Variants in GALNT15 observed in about 807,000 individuals in gnomAD.
The protein encoded by GALNT15 is UDP-GalNAc transferase T15.
GALNT15 carries 67 observed loss-of-function variants against 66.8 expected under a neutral mutation model. That is an observed-to-expected ratio of 1.00 (90% CI 0.82 to 1.23). GALNT15 has a LOEUF of 1.23. Among genes scored for constraint, GALNT15 ranks in the 50% most tolerant of loss-of-function variants. The pLI is 0.00. For synonymous variants in GALNT15, 313 were observed against 311.5 expected (o/e 1.00, Z -0.05); for missense variants, 827 against 804.3 (o/e 1.03, Z -0.34).
rs534549726 is a variant in GALNT15 at position 16,194,514 on chromosome 3, T to A, written c.540-1246T>A. On this transcript the variant is annotated intron_variant, in intron 1 of 9. Transcript: ENST00000339732. ...CTGTTCACTCTGATATTTCTTTTGCTGTGCAGAAGTGCACATGTATGTTTG... is the reference window on the plus strand; with the variant it reads ...CTGTTCACTCTGATATTTCTTTTGCAGTGCAGAAGTGCACATGTATGTTTG... 5.3e-5 allele frequency among the ~76,000 whole-genome samples: 8 copies of A among 152,364 alleles called. No individual in the cohort carries two copies. The East Asian group carries it at 1.2e-3, about 22-fold the overall frequency.
chr3:16,212,663 A>G lies in GALNT15; in HGVS notation c.1292A>G (p.Glu431Gly). The change falls in exon 6 of 10, where the codon GAG becomes GGG. Residue 431 changes from glutamate (E) to glycine (G), a missense_variant. Transcript: ENST00000339732. ...NQDSHSPLDQ[E>G]ATLRNRVRIA... ...GATTCCCATTCCCCCCTCGACCAGGAGGCCACCCTGAGGAACAGGGTTCGC... is the reference window on the plus strand; with the variant it reads ...GATTCCCATTCCCCCCTCGACCAGGGGGCCACCCTGAGGAACAGGGTTCGC... 2 of 1,614,058 alleles carry G rather than the reference A, an allele frequency of 1.2e-6. No individual in the cohort carries two copies. The highest frequency in any genetic ancestry group is 1.7e-6 in the Non-Finnish European group (2 of 1,180,010).
rs963302076 is a variant in GALNT15, at chr3:16,175,742, G to A, written c.539+52G>A. On this transcript the variant is annotated intron_variant, in intron 1 of 9. Coordinates refer to ENST00000339732, the MANE Select transcript of GALNT15 (RefSeq NM_054110.5). The surrounding 1 kb of genome is among the most constrained non-coding windows in gnomAD (Gnocchi z 5.6). ...CCTGATCCCAGGGCATGATCGGGTG[G>A]TAGCAAACTCGGGAATGCAAACTTT... The A allele has an allele frequency of 2.0e-5, 29 of 1,484,324 alleles. No homozygotes were observed. The highest frequency in any genetic ancestry group is 2.6e-5 in the Non-Finnish European group (29 of 1,111,164). 91.9% of individuals were successfully genotyped at this position (1,484,324 alleles called of 1,614,324 possible). A position where few individuals can be genotyped will look rare whatever the true frequency, so the allele number is the denominator to read the frequency against.
chr3:16,191,581 G>A lies in GALNT15; in HGVS notation c.540-4179G>A, dbSNP rs1310523193. ...GAGTTACCAGGTGAGACTGCCACCC[G>A]GCAGAGAATGTTCTGTGAAATCAAA... On this transcript the variant is annotated intron_variant, in intron 1 of 9. Coordinates refer to ENST00000339732, the MANE Select transcript of GALNT15 (RefSeq NM_054110.5). The surrounding 1 kb of genome is among the most constrained non-coding windows in gnomAD (Gnocchi z 5.2). Among the ~76,000 whole-genome samples, 1 of 152,174 alleles carries A rather than the reference G, an allele frequency of 6.6e-6. No individual in the cohort carries two copies. Among genetic ancestry groups the A allele is most frequent in the African/African-American group, 2.4e-5 (1 of 41,442 alleles).
In GALNT15 at chr3:16,181,872, A is replaced by G. The variant is rs2124839558; in HGVS notation, c.539+6182A>G. ...GGGATGCCACAAACACCAACCTTCC[A>G]GCCCTCGAGTCCACAGTGGCCGCAG... On this transcript the variant is annotated intron_variant, in intron 1 of 9. Coordinates refer to ENST00000339732, the MANE Select transcript of GALNT15 (RefSeq NM_054110.5). The surrounding 1 kb of genome is among the most constrained non-coding windows in gnomAD (Gnocchi z 5.9). 6.6e-6 allele frequency among the ~76,000 whole-genome samples: 1 copy of G among 152,208 alleles called. No individual in the cohort carries two copies. Among genetic ancestry groups the G allele is most frequent in the East Asian group, 1.9e-4 (1 of 5,164 alleles).
At chr3:16,208,472 G>A (rs1442119964) in intron 3 of GALNT15, 31 bp from the exon 4 acceptor site, 7 of 1,609,228 alleles carry the variant, frequency 4.3e-6, no homozygotes, top group South Asian at 2.2e-5. Flanking sequence ...AATGCTTTAC[G>A]TCCCTTGTTT....
chr3:16,227,326 T>C lies in GALNT15; in HGVS notation c.1774-28T>C. On this transcript the variant is annotated intron_variant, in intron 9 of 9. Transcript: ENST00000339732. The surrounding 1 kb of genome is among the most constrained non-coding windows in gnomAD (Gnocchi z 4.5). The stretch of plus-strand genomic sequence containing the variant: ...CTGACTGATTGTGGGGGACTGGTTT[T>C]CTTTTCTTTTTTCCTTTCTCTTTTT... 6.3e-7 allele frequency: 1 copy of C among 1,597,816 alleles called. No homozygotes were observed. Among genetic ancestry groups the C allele is most frequent in the Non-Finnish European group, 8.5e-7 (1 of 1,174,738 alleles).
Position 16,222,776 on chromosome 3 carries a change from G to A in GALNT15, c.1773+18G>A, listed in dbSNP as rs2063959474. ...TCCAGGAGGTGAGTAATCTGTTCAG[G>A]AAGAGCCTGGTAGTGCTGCTGGTCA... On this transcript the variant is annotated intron_variant, in intron 9 of 9. Transcript: ENST00000339732. The A allele has an allele frequency of 6.2e-7, 1 of 1,613,148 alleles. No homozygotes were observed. The highest frequency in any genetic ancestry group is 8.5e-7 in the Non-Finnish European group (1 of 1,179,674).
In GALNT15 at chr3:16,228,953, T is replaced by C; in HGVS notation, c.*1453T>C. The stretch of plus-strand genomic sequence containing the variant: ...CTAGTAAGAGCTAAATGACTTTCCT[T>C]GCTATGACTTGGCTTACCTGAATTA... On this transcript the variant is annotated 3_prime_UTR_variant, in exon 10 of 10. Coordinates refer to ENST00000339732, the MANE Select transcript of GALNT15 (RefSeq NM_054110.5). 1.0e-6 allele frequency: 1 copy of C among 985,400 alleles called. No individual in the cohort carries two copies. The highest frequency in any genetic ancestry group is 1.7e-5 in the African/African-American group (1 of 57,336). 61.0% of individuals were successfully genotyped at this position (985,400 alleles called of 1,614,324 possible).
chr3:16,210,816 C>T (rs1285877618), intron 4 of GALNT15, among the ~76,000 whole-genome samples: 1 of 152,212 alleles, frequency 6.6e-6, no homozygotes, highest in Non-Finnish European at 1.5e-5. Flanking sequence ...TCCCAAACAT[C>T]TTTCCAGAGG....
chr3:16,233,034 ATC>A (rs1039873046), downstream of GALNT15, among the ~76,000 whole-genome samples: 19 of 144,850 alleles, frequency 1.3e-4, no homozygotes, highest in African/African-American at 4.1e-4. Context: ...CTTCTAACGG[ATC>A]TCTTTTTGAA....
intron 1 of GALNT15, among the ~76,000 whole-genome samples, chr3:16,192,268 A>G (rs2063587318): frequency 6.6e-6 from 1 of 152,172 alleles, no homozygotes; most frequent in South Asian, 2.1e-4. Context: ...ATAGTCTATG[A>G]ATTGAGACAG....
At position 16,211,223 on chromosome 3, in the gene GALNT15, C is replaced by A. The variant is rs1244494333; in HGVS notation, c.1179C>A (p.Asn393Lys). 3.1e-6 allele frequency: 5 copies of A among 1,611,834 alleles called. No individual in the cohort carries two copies. The highest frequency in any genetic ancestry group is 4.2e-6 in the Non-Finnish European group (5 of 1,177,930). The change falls in exon 5 of 10, where the codon AAC (asparagine) becomes AAA (lysine). Residue 393 changes from asparagine (N) to lysine (K), a missense_variant. Asn to Lys is a moderately conservative substitution (Grantham distance 94). Transcript: ENST00000339732. This position sits in a 1 kb window ranked among gnomAD's most constrained non-coding sequence, Gnocchi z 4.3. ...DSLMSLRGGE[N>K]LELSFKAWLC... ...TTATGTCGCTGCGAGGTGGTGAAAA[C>A]CTCGAACTGTCTTTCAAGGTATGTC...
chr3:16,198,798 A>C (rs1190593167), intron 2 of GALNT15, among the ~76,000 whole-genome samples: 1 of 141,942 alleles, frequency 7.0e-6, no homozygotes, highest in Non-Finnish European at 1.6e-5. Flanking sequence ...CTTAGAAGAC[A>C]GATTCCCAGG....
At chr3:16,236,130 A>AAAAAAAAAAAAAAAAAC, downstream of GALNT15, among the ~76,000 whole-genome samples, 1 of 147,518 alleles carries the variant, frequency 6.8e-6, no homozygotes, top group African/African-American at 2.5e-5. Context: ...AAAAAAAAAA[A>AAAAAAAAAAAAAAAAAC]AGGACTGGGC....
the GALNT15 span, among the ~76,000 whole-genome samples, chr3:16,247,435 C>T: frequency 6.6e-6 from 1 of 152,226 alleles, no homozygotes; most frequent in East Asian, 1.9e-4. Context: ...GATCATGATG[C>T]CTTTGCCGTC....
At chr3:16,240,992 C>A in the GALNT15 span, among the ~76,000 whole-genome samples, 1 of 152,130 alleles carries the variant, frequency 6.6e-6, no homozygotes, top group East Asian at 1.9e-4. Flanking sequence ...TCCCTCTGCA[C>A]AGAATGCCCT....
chr3:16,226,071 C>G (rs1575001210), intron 9 of GALNT15, among the ~76,000 whole-genome samples: 1 of 150,416 alleles, frequency 6.6e-6, no homozygotes, highest in East Asian at 1.9e-4. Flanking sequence ...AAAAATTACA[C>G]AAAGTGAAAG....
At position 16,227,496 on chromosome 3, in the gene GALNT15, G is replaced by C. The variant is rs140214513; in HGVS notation, c.1916G>C (p.Arg639Pro). 1 of 1,614,136 alleles carries C rather than the reference G, an allele frequency of 6.2e-7. No homozygotes were observed. The highest frequency in any genetic ancestry group is 1.1e-5 in the South Asian group (1 of 91,080). Residue 639 changes from arginine to proline, a missense_variant, in exon 10 of 10, where the codon CGA becomes CCA. Physicochemically the swap from Arg to Pro is moderately radical, Grantham distance 103 (BLOSUM62 -2). Coordinates refer to ENST00000339732, the MANE Select transcript of GALNT15 (RefSeq NM_054110.5). The surrounding 1 kb of genome is among the most constrained non-coding windows in gnomAD (Gnocchi z 4.5). ...GACCAGATCAATGCTGTGGATGAAC[G>C]ATGAATGTCAATGTCAGAAGGAAAA... is the stretch of plus-strand genomic sequence containing the variant. ...RFDQINAVDE[R>P]
Position 16,206,659 on chromosome 3 carries a change from C to T in GALNT15, c.912-1844C>T, listed in dbSNP as rs573576207. Among the ~76,000 whole-genome samples, 195 of 114,760 alleles carry T rather than the reference C, an allele frequency of 1.7e-3. 2 individuals carry two copies. The highest frequency in any genetic ancestry group is 5.5e-3 in the African/African-American group (156 of 28,356). The allele number at this position is 114,760 out of a possible 152,430, so 75.3% of individuals were successfully genotyped here. On this transcript the variant is annotated intron_variant, in intron 3 of 9. Coordinates refer to ENST00000339732, the MANE Select transcript of GALNT15 (RefSeq NM_054110.5). ...CTGCCCTCCAGCCTGGATAACAAAG[C>T]GAGACTCTGTCTAAAAAAAAAAAAA...
Sources: gnomAD v4.1 joint callset for allele counts (sites outside exome capture counted in the v4.1 genomes callset) on GRCh38, gnomAD v4.1.1 for gene constraint, Gnocchi (gnomAD v3.1) non-coding constraint, MANE v1.5 for transcripts, NCBI Gene and HGNC (gene_info 2026-07-23, HGNC 2026-07-21) for gene names.